The following SLC35B3 variants were observed in gnomAD, a reference collection of about 807,000 sequenced individuals.
SLC35B3 encodes adenosine 3'-phospho 5'-phosphosulfate transporter 2.
In SLC35B3, 35 loss-of-function variants were observed where a neutral mutation model predicts 44.1. The observed-to-expected ratio is 0.79, with a 90% CI of 0.61 to 1.05. SLC35B3 has a LOEUF of 1.05. Among genes scored for constraint, SLC35B3 ranks in the 50% least tolerant of loss-of-function variants. The probability of loss-of-function intolerance (pLI) is 0.00; values close to 1 mark genes in which losing one functional copy is unlikely to be tolerated. For synonymous variants in SLC35B3, 146 were observed against 167.3 expected (o/e 0.87, Z 0.98); for missense variants, 414 against 476.4 (o/e 0.87, Z 1.22).
rs186256801 is a variant in SLC35B3, at chr6:8,432,109, C to T, written c.4-1952G>A. Among the ~76,000 whole-genome samples, 6 of 152,184 alleles carry T rather than the reference C, an allele frequency of 3.9e-5. No individual in the cohort carries two copies. Among genetic ancestry groups the T allele is most frequent in the African/African-American group, 1.2e-4 (5 of 41,516 alleles). On this transcript the variant is annotated intron_variant, in intron 2 of 10. Transcript: ENST00000644923. This position sits in a 1 kb window ranked among gnomAD's most constrained non-coding sequence, Gnocchi z 4.8. ...TTCAAATCTTATTTGTCTCTGTGTC[C>T]TTGGTACCTGGCATATACTCTGACC... is the stretch of plus-strand genomic sequence containing the variant.
chr6:8,428,210 T>A (rs1415320044), intron 3 of SLC35B3, 152 bp from the exon 3 acceptor site: 1 of 648,630 alleles, frequency 1.5e-6, no homozygotes, highest in Non-Finnish European at 2.3e-6. Flanking sequence ...CTCTTTCATA[T>A]TGGTAATGTT....
chr6:8,414,254 A>G (rs1468854637), intron 10 of SLC35B3, among the ~76,000 whole-genome samples: 1 of 152,164 alleles, frequency 6.6e-6, no homozygotes, highest in African/African-American at 2.4e-5. Flanking sequence ...ATTGATGGAA[A>G]TTAATTTTAT....
chr6:8,434,520 G>A lies in SLC35B3; in HGVS notation c.-43-90C>T. 2 of 1,098,388 alleles carry A rather than the reference G, an allele frequency of 1.8e-6. No homozygotes were observed. Among genetic ancestry groups the A allele is most frequent in the South Asian group, 1.9e-5 (1 of 53,692 alleles). The allele number at this position is 1,098,388 out of a possible 1,614,324, so 68.0% of individuals were successfully genotyped here. On this transcript the variant is annotated intron_variant, in intron 1 of 10. Coordinates refer to ENST00000644923, the MANE Select transcript of SLC35B3 (RefSeq NM_001370476.2). This position sits in a 1 kb window ranked among gnomAD's most constrained non-coding sequence, Gnocchi z 6.3. ...TTACACAAAGGTGGAGAAACCCTGT[G>A]CTAATGTTTGAAGACTATTCTTTTT... is the stretch of plus-strand genomic sequence containing the variant.
intron 7 of SLC35B3, chr6:8,418,708 G>A (rs1250288626): frequency 6.5e-6 from 1 of 153,010 alleles, no homozygotes; most frequent in Non-Finnish European, 1.5e-5. Flanking sequence ...AATGGACATT[G>A]AAAAAAAGAC....
intron 4 of SLC35B3, among the ~76,000 whole-genome samples, chr6:8,427,695 A>C (rs548757597): frequency 6.6e-6 from 1 of 152,330 alleles, no homozygotes; most frequent in South Asian, 2.1e-4. Flanking sequence ...TCATGTTGTA[A>C]GAACATATAA....
intron 3 of SLC35B3, among the ~76,000 whole-genome samples, chr6:8,428,986 T>A (rs1028705713): frequency 3.9e-5 from 6 of 152,192 alleles, no homozygotes. Context: ...TTTCCCTTGA[T>A]GATCATCTCT....
chr6:8,422,638 T>G lies in SLC35B3; in HGVS notation c.420-14A>C. Reference sequence around the variant, plus strand: ...TTTCCTGGTATTCTGTAAAAGACAATTTTTAAAACCTTCATTTTGGGACCC... The same window carrying G: ...TTTCCTGGTATTCTGTAAAAGACAAGTTTTAAAACCTTCATTTTGGGACCC... On this transcript the variant is annotated splice_polypyrimidine_tract_variant and intron_variant, in intron 4 of 10. Coordinates refer to ENST00000644923, the MANE Select transcript of SLC35B3 (RefSeq NM_001370476.2). 1.3e-6 allele frequency: 2 copies of G among 1,595,726 alleles called. No homozygotes were observed. The highest frequency in any genetic ancestry group is 1.7e-6 in the Non-Finnish European group (2 of 1,172,850).
At chr6:8,427,840 T>A in intron 4 of SLC35B3, 97 bp downstream of exon 3, 3 of 694,766 alleles carry the variant, frequency 4.3e-6, no homozygotes, top group South Asian at 5.2e-5. Flanking sequence ...GCCTATCACA[T>A]GTTTTGTTAA....
chr6:8,414,750 T>C (rs1762262620), intron 10 of SLC35B3, among the ~76,000 whole-genome samples, 158 bp downstream of exon 9: 1 of 151,786 alleles, frequency 6.6e-6, no homozygotes, highest in Non-Finnish European at 1.5e-5. Flanking sequence ...GGTTTCTTTA[T>C]AAAGCATAAC....
At position 8,434,569 on chromosome 6, in the gene SLC35B3, A is replaced by G. The variant is rs1417018950; in HGVS notation, c.-43-139T>C. ...TTTTTTTCCAAGAGAAAAAGTTAAC[A>G]CTAGGACTTTATATATTAAGTAATT... On this transcript the variant is annotated intron_variant, in intron 1 of 10. Transcript: ENST00000644923. This position sits in a 1 kb window ranked among gnomAD's most constrained non-coding sequence, Gnocchi z 6.3. The G allele has an allele frequency of 3.7e-6, 2 of 539,278 alleles. No individual in the cohort carries two copies. The highest frequency in any genetic ancestry group is 6.0e-6 in the Non-Finnish European group (2 of 330,884). 33.4% of individuals were successfully genotyped at this position (539,278 alleles called of 1,614,324 possible). A position where few individuals can be genotyped will look rare whatever the true frequency, so the allele number is the denominator to read the frequency against.
chr6:8,415,141 G>A (rs1762305041), intron 9 of SLC35B3, among the ~76,000 whole-genome samples, 164 bp from the exon 9 acceptor site: 3 of 152,146 alleles, frequency 2.0e-5, no homozygotes, highest in Admixed American at 2.0e-4. Flanking sequence ...ACGCACAAAA[G>A]TCACTGTTCC....
Position 8,435,047 on chromosome 6 carries a change from A to G in SLC35B3, c.-44+296T>C. 1 of 1,184,442 alleles carries G rather than the reference A, an allele frequency of 8.4e-7. No individual in the cohort carries two copies. Among genetic ancestry groups the G allele is most frequent in the South Asian group, 1.5e-5 (1 of 65,016 alleles). The allele number at this position is 1,184,442 out of a possible 1,614,324, so 73.4% of individuals were successfully genotyped here. ...ACAGTTCTCCAGAGACCCCGAGAAC[A>G]GCGTAAAAGACCCCTTGAGGTCACC... On this transcript the variant is annotated intron_variant, in intron 1 of 10. Transcript: ENST00000644923. This position sits in a 1 kb window ranked among gnomAD's most constrained non-coding sequence, Gnocchi z 5.5.
intron 2 of SLC35B3, among the ~76,000 whole-genome samples, chr6:8,430,677 C>G (rs765377249): frequency 4.0e-5 from 6 of 151,824 alleles, no homozygotes; most frequent in Non-Finnish European, 8.8e-5. Context: ...ACCAGGAGTT[C>G]AAGACCAGCC....
rs1486691864 is a variant in SLC35B3 at position 8,419,822 on chromosome 6, T to C, written c.683-145A>G. 4 of 485,920 alleles carry C rather than the reference T, an allele frequency of 8.2e-6. No individual in the cohort carries two copies. The highest frequency in any genetic ancestry group is 7.5e-6 in the Non-Finnish European group (2 of 264,936). 30.1% of individuals were successfully genotyped at this position (485,920 alleles called of 1,614,324 possible). ...ATTTGTTCGGTAATCCAGAATATTC[T>C]TATTCACAATCGGTTGTAACAAGTA... On this transcript the variant is annotated intron_variant, in intron 6 of 10. Coordinates refer to ENST00000644923, the MANE Select transcript of SLC35B3 (RefSeq NM_001370476.2). This position sits in a 1 kb window ranked among gnomAD's most constrained non-coding sequence, Gnocchi z 4.3.
intron 4 of SLC35B3, among the ~76,000 whole-genome samples, chr6:8,427,613 G>A (rs1244500377): frequency 6.6e-6 from 1 of 152,144 alleles, no homozygotes; most frequent in African/African-American, 2.4e-5. Context: ...GATGTTAGTT[G>A]TACTACAAAT....
chr6:8,429,855 C>CT lies in SLC35B3; in HGVS notation c.297+8dup, dbSNP rs754201483. ...TAATTAACATATTACAAACATATAA[C>CT]TTTTTTACCTGTAAATACCCATAAA... On this transcript the variant is annotated intron_variant, in intron 3 of 10. Coordinates refer to ENST00000644923, the MANE Select transcript of SLC35B3 (RefSeq NM_001370476.2). 578 of 1,526,546 alleles carry CT rather than the reference C, an allele frequency of 3.8e-4. No homozygotes were observed. The highest frequency in any genetic ancestry group is 4.9e-4 in the Non-Finnish European group (554 of 1,125,676). 94.6% of individuals were successfully genotyped at this position (1,526,546 alleles called of 1,614,324 possible).
Position 8,432,796 on chromosome 6 carries a change from G to A in SLC35B3, c.3+1589C>T, listed in dbSNP as rs1764117671. 6.6e-6 allele frequency among the ~76,000 whole-genome samples: 1 copy of A among 152,132 alleles called. No individual in the cohort carries two copies. The highest frequency in any genetic ancestry group is 1.5e-5 in the Non-Finnish European group (1 of 68,030). ...AAATATTGCTAGGGTGATATGGTGT[G>A]CTCAAGCTGACTCACCCCTTTGATG... On this transcript the variant is annotated intron_variant, in intron 2 of 10. Coordinates refer to ENST00000644923, the MANE Select transcript of SLC35B3 (RefSeq NM_001370476.2). The surrounding 1 kb of genome is among the most constrained non-coding windows in gnomAD (Gnocchi z 4.8).
chr6:8,412,743 G>T lies in SLC35B3; in HGVS notation c.*806C>A, dbSNP rs1344680910. On this transcript the variant is annotated 3_prime_UTR_variant, in exon 11 of 11. Transcript: ENST00000644923. The stretch of plus-strand genomic sequence containing the variant: ...TTCCACTTCAGATCATCAGGCATTA[G>T]ATTCTCAAAAGGAGTGTACAACCCA... Among the ~76,000 whole-genome samples the T allele has an allele frequency of 6.6e-6, 1 of 152,144 alleles. No homozygotes were observed. Among genetic ancestry groups the T allele is most frequent in the Non-Finnish European group, 1.5e-5 (1 of 68,026 alleles).
At position 8,419,860 on chromosome 6, in the gene SLC35B3, T is replaced by C. The variant is rs1378739777; in HGVS notation, c.683-183A>G. Among the ~76,000 whole-genome samples the C allele has an allele frequency of 6.6e-6, 1 of 152,118 alleles. No homozygotes were observed. Among genetic ancestry groups the C allele is most frequent in the East Asian group, 1.9e-4 (1 of 5,204 alleles). The stretch of plus-strand genomic sequence containing the variant: ...GTTGTAACAAGTACATATGTGATGA[T>C]ATTAAAAAAGATATACTAATAAACT... On this transcript the variant is annotated intron_variant, in intron 6 of 10. Coordinates refer to ENST00000644923, the MANE Select transcript of SLC35B3 (RefSeq NM_001370476.2). This position sits in a 1 kb window ranked among gnomAD's most constrained non-coding sequence, Gnocchi z 4.3.
Sources: allele counts gnomAD v4.1 joint callset (sites outside exome capture counted in the v4.1 genomes callset), GRCh38; gene constraint gnomAD v4.1.1; non-coding constraint Gnocchi (gnomAD v3.1); transcripts MANE v1.5; gene names NCBI Gene and HGNC (gene_info 2026-07-23, HGNC 2026-07-21).